The following ERI1 variants were observed in gnomAD, a reference collection of about 807,000 sequenced individuals.
The protein encoded by ERI1 is exoribonuclease 1.
Under a neutral mutation model 39.7 loss-of-function variants are expected in ERI1, and 39 were observed. The ratio of observed to expected loss-of-function variants is 0.98; its 90% CI spans 0.76 to 1.28. The LOEUF is 1.28. Among genes scored for constraint, ERI1 ranks in the 50% most tolerant of loss-of-function variants. The pLI is 0.00. For synonymous variants in ERI1, 204 were observed against 149.6 expected, an observed-to-expected ratio of 1.36 and a Z score of -2.65; for missense variants, 581 against 416.9, an observed-to-expected ratio of 1.39 and a Z score of -3.43.
intron 3 of ERI1, chr8:9,091,514 A>AC (rs34465683): frequency 6.6e-6 from 1 of 152,056 alleles, no homozygotes; most frequent in African/African-American, 2.4e-5. Context: ...TCTCAAAAAA[A>AC]AAAAAAGAGT....
intron 6 of ERI1, among the ~76,000 whole-genome samples, chr8:9,022,615 G>T (rs974050741): frequency 6.6e-6 from 1 of 152,122 alleles, no homozygotes; most frequent in African/African-American, 2.4e-5. Context: ...GGTGAGGCTG[G>T]TCTCGAACTC....
At chr8:9,026,346 C>T (rs930950238) in intron 6 of ERI1, among the ~76,000 whole-genome samples, 1 of 152,172 alleles carries the variant, frequency 6.6e-6, no homozygotes, top group Non-Finnish European at 1.5e-5. Context: ...CATCATTCTC[C>T]AGAACTCTCA....
chr8:9,004,886 C>T (rs1267651965), intron 1 of ERI1, among the ~76,000 whole-genome samples: 1 of 151,974 alleles, frequency 6.6e-6, no homozygotes, highest in Non-Finnish European at 1.5e-5. Flanking sequence ...TGGGGTTTCA[C>T]CATGTTGGCC....
chr8:9,066,524 C>T (rs1798883305), intron 3 of ERI1, among the ~76,000 whole-genome samples: 1 of 152,128 alleles, frequency 6.6e-6, no homozygotes, highest in Non-Finnish European at 1.5e-5. Flanking sequence ...TTCACCTGGC[C>T]TTTGGGTTGT....
intron 3 of ERI1, among the ~76,000 whole-genome samples, chr8:9,069,645 T>C (rs963131591): frequency 1.3e-5 from 2 of 152,166 alleles, no homozygotes; most frequent in African/African-American, 4.8e-5. Context: ...GCCACCTAAG[T>C]GACAAGATCA....
chr8:9,097,609 T>C (rs1418426374), intron 3 of ERI1, among the ~76,000 whole-genome samples: 2 of 145,976 alleles, frequency 1.4e-5, no homozygotes, highest in South Asian at 2.1e-4. Context: ...GCAGAAGTTG[T>C]AGTGAGCCAA....
chr8:9,048,022 G>C (rs1045949214), intron 3 of ERI1, among the ~76,000 whole-genome samples: 1 of 152,230 alleles, frequency 6.6e-6, no homozygotes, highest in Admixed American at 6.5e-5. Flanking sequence ...CACAAAGCCA[G>C]TAAGTGGGAA....
At chr8:9,007,309 G>A (rs1816121732) in intron 1 of ERI1, among the ~76,000 whole-genome samples, 1 of 152,102 alleles carries the variant, frequency 6.6e-6, no homozygotes, top group African/African-American at 2.4e-5. Context: ...TAGATTTGCG[G>A]TCCATTTTGT....
intron 3 of ERI1, among the ~76,000 whole-genome samples, chr8:9,055,401 T>C (rs2409127): frequency 0.16 from 25,061 of 152,184 alleles, 2,612 homozygotes; most frequent in East Asian, 0.47. Context: ...CTGATGGTAA[T>C]AAACGGAATG....
intron 3 of ERI1, among the ~76,000 whole-genome samples, chr8:9,047,067 C>G (rs1798196255): frequency 6.6e-6 from 1 of 152,204 alleles, no homozygotes; most frequent in African/African-American, 2.4e-5. Context: ...CTGTTCCCAA[C>G]AGGGAAAACA....
chr8:9,003,633 C>T lies in ERI1; in HGVS notation c.108+462C>T, dbSNP rs181698345. On this transcript the variant is annotated intron_variant, in intron 1 of 6. Coordinates refer to ENST00000250263, the MANE Select transcript of ERI1 (RefSeq NM_153332.4). ...TCTCTGTACCTGTTAAGTGGAGCTT[C>T]GTCTTAGCTGCTTTTGCTCATTAAC... Among the ~76,000 whole-genome samples, 1,302 of 152,306 alleles carry T rather than the reference C, an allele frequency of 8.5e-3. 27 individuals are homozygous for T. The South Asian group carries it at 0.091, about 11-fold the overall frequency.
At chr8:9,042,488 G>C (rs778351063) in intron 3 of ERI1, among the ~76,000 whole-genome samples, 5 of 152,248 alleles carry the variant, frequency 3.3e-5, no homozygotes, top group African/African-American at 1.2e-4. Flanking sequence ...GCCTACTCTT[G>C]TGTCACTCAA....
At chr8:9,059,853 G>A (rs1002015266) in intron 3 of ERI1, among the ~76,000 whole-genome samples, 8 of 152,164 alleles carry the variant, frequency 5.3e-5, no homozygotes, top group Non-Finnish European at 7.3e-5. Context: ...ATAGGAGTAT[G>A]ACTAGACAGA....
intron 3 of ERI1, among the ~76,000 whole-genome samples, chr8:9,078,173 A>G (rs946046059): frequency 3.3e-5 from 5 of 152,158 alleles, no homozygotes; most frequent in African/African-American, 7.2e-5. Context: ...TATTTTTAGT[A>G]GAGACAAGGT....
chr8:9,050,915 A>T lies in ERI1; in HGVS notation n.299+30451A>T, dbSNP rs1798336576. 4.6e-5 allele frequency among the ~76,000 whole-genome samples: 7 copies of T among 152,196 alleles called. No individual in the cohort carries two copies. In the South Asian group the frequency reaches 1.4e-3, roughly 32 times the overall value. ...AGGGCAGCACCTTTGGATGGAAATG[A>T]GCTTTGTTAAGGCGTTGTTCTTTCA... On this transcript the variant is annotated intron_variant and non_coding_transcript_variant, in intron 3 of 3. Transcript: ENST00000518663.
At chr8:9,060,687 T>C (rs1798664240) in intron 3 of ERI1, among the ~76,000 whole-genome samples, 1 of 152,128 alleles carries the variant, frequency 6.6e-6, no homozygotes, top group African/African-American at 2.4e-5. Flanking sequence ...AAGAGATTGA[T>C]AGGTGGAAGT....
chr8:9,060,581 A>C (rs1175244308), intron 3 of ERI1, among the ~76,000 whole-genome samples: 1 of 152,350 alleles, frequency 6.6e-6, no homozygotes, highest in East Asian at 1.9e-4. Flanking sequence ...TGTAACCTAC[A>C]TGGAAGAGGT....
intron 3 of ERI1, among the ~76,000 whole-genome samples, chr8:9,039,797 T>G (rs145868395): frequency 2.8e-4 from 43 of 152,324 alleles, no homozygotes; most frequent in African/African-American, 9.4e-4. Context: ...TTATTTTCTG[T>G]TAAGAGGTAG....
chr8:9,009,926 T>C (rs773697977), intron 2 of ERI1, among the ~76,000 whole-genome samples: 12 of 152,200 alleles, frequency 7.9e-5, no homozygotes, highest in Non-Finnish European at 1.3e-4. Context: ...AGCCAAGTTG[T>C]GAAGGAACTC....
Sources: allele counts gnomAD v4.1 joint callset (sites outside exome capture counted in the v4.1 genomes callset), GRCh38; gene constraint gnomAD v4.1.1; transcripts MANE v1.5; gene names NCBI Gene and HGNC (gene_info 2026-07-23, HGNC 2026-07-21).